Variants in BICC1 observed in about 807,000 individuals in gnomAD.
BICC1 encodes BicC family RNA binding protein 1, also known as protein bicaudal C homolog 1.
BICC1 carries 43 observed loss-of-function variants against 111.0 expected under a neutral mutation model. The ratio of observed to expected loss-of-function variants is 0.39; its 90% CI spans 0.30 to 0.50. The LOEUF (loss-of-function observed/expected upper bound fraction) is 0.50. Ranked by LOEUF, BICC1 falls within the 20% of genes least tolerant of loss-of-function variation. The probability of loss-of-function intolerance (pLI) is 0.88; values close to 1 mark genes in which losing one functional copy is unlikely to be tolerated. For missense variants in BICC1, 1,091 were observed against 1,203.2 expected (o/e 0.91, Z 1.38); for synonymous variants, 467 against 434.4 (o/e 1.07, Z -0.93).
At chr10:58,531,620 A>T (rs1842684661) in intron 1 of BICC1, among the ~76,000 whole-genome samples, 1 of 151,926 alleles carries the variant, frequency 6.6e-6, no homozygotes, top group Non-Finnish European at 1.5e-5. Flanking sequence ...CCTGACAAAT[A>T]GTTTAAAAGG....
intron 3 of BICC1, among the ~76,000 whole-genome samples, chr10:58,750,423 T>G (rs978590117): frequency 1.3e-5 from 2 of 152,216 alleles, no homozygotes; most frequent in African/African-American, 2.4e-5. Flanking sequence ...AATGCCACTG[T>G]TAAACTATGA....
chr10:58,576,080 G>A (rs540056880), intron 1 of BICC1, among the ~76,000 whole-genome samples: 111 of 152,184 alleles, frequency 7.3e-4, no homozygotes, highest in African/African-American at 5.5e-4. Flanking sequence ...TTGAAGAGCC[G>A]AGTGGATTTG....
intron 20 of BICC1, among the ~76,000 whole-genome samples, chr10:58,822,783 T>C (rs903632253): frequency 6.6e-6 from 1 of 152,116 alleles, no homozygotes; most frequent in Admixed American, 6.6e-5. Context: ...AGACATCCAT[T>C]TATAGTCCCA....
intron 3 of BICC1, among the ~76,000 whole-genome samples, chr10:58,737,907 T>C (rs1841525210): frequency 6.6e-6 from 1 of 152,252 alleles, no homozygotes; most frequent in African/African-American, 2.4e-5. Context: ...TGTCTGTTCA[T>C]ATCCTTCGCC....
At chr10:58,607,342 A>AAATAAATAAATAAATAAATAAATAAATG in intron 1 of BICC1, among the ~76,000 whole-genome samples, 1 of 149,646 alleles carries the variant, frequency 6.7e-6, no homozygotes, top group Non-Finnish European at 1.5e-5. Context: ...ATAAATAAAT[A>AAATAAATAAATAAATAAATAAATAAATG]AAACTGTCAT....
intron 1 of BICC1, among the ~76,000 whole-genome samples, chr10:58,556,616 A>G (rs1367553648): frequency 2.0e-5 from 3 of 152,076 alleles, no homozygotes; most frequent in Non-Finnish European, 4.4e-5. Flanking sequence ...CAGATTGCTC[A>G]TGAGTTTGTT....
intron 1 of BICC1, among the ~76,000 whole-genome samples, chr10:58,517,993 T>C (rs1394901308): frequency 2.9e-5 from 1 of 34,274 alleles, no homozygotes; most frequent in East Asian, 7.2e-4. Flanking sequence ...TATCTAAATA[T>C]TATTATTGGC....
chr10:58,745,993 G>A (rs1420126679), intron 3 of BICC1, among the ~76,000 whole-genome samples: 1 of 151,986 alleles, frequency 6.6e-6, no homozygotes, highest in East Asian at 1.9e-4. Flanking sequence ...ATTACCACAG[G>A]CAGATGAGAG....
chr10:58,656,130 T>C (rs1053707575), intron 2 of BICC1, among the ~76,000 whole-genome samples: 6 of 151,884 alleles, frequency 4.0e-5, no homozygotes, highest in Non-Finnish European at 8.8e-5. Context: ...ACACATACAC[T>C]CTCCCAAGAC....
At chr10:58,520,865 A>T (rs1325945591) in intron 1 of BICC1, among the ~76,000 whole-genome samples, 2 of 105,240 alleles carry the variant, frequency 1.9e-5, no homozygotes, top group South Asian at 3.0e-4. Flanking sequence ...TCTTTTGAAA[A>T]TATGCCCACA....
chr10:58,648,457 G>A (rs1177856140), intron 2 of BICC1: 18 of 948,868 alleles, frequency 1.9e-5, no homozygotes, highest in Non-Finnish European at 2.3e-5. Context: ...TATACACAGA[G>A]TTATGTTCTC....
rs71033694 is a variant in BICC1 at position 58,639,719 on chromosome 10, A to ATTTT, written c.237+18838_237+18841dup. On this transcript the variant is annotated intron_variant, in intron 2 of 20. Transcript: ENST00000373886. ...GGTATGAGCCACTGTGCCCGGCCAA[A>ATTTT]TTTTTTTTTTTTTTTTTTTTTTTGA... Among the ~76,000 whole-genome samples, 555 of 93,068 alleles carry ATTTT rather than the reference A, an allele frequency of 6.0e-3. 19 individuals carry two copies. The highest frequency in any genetic ancestry group is 8.5e-3 in the Non-Finnish European group (426 of 50,402). 61.1% of individuals were successfully genotyped at this position (93,068 alleles called of 152,430 possible). A position where few individuals can be genotyped will look rare whatever the true frequency, so the allele number is the denominator to read the frequency against.
intron 3 of BICC1, among the ~76,000 whole-genome samples, chr10:58,752,578 T>C (rs919720862): frequency 3.3e-5 from 5 of 152,156 alleles, no homozygotes; most frequent in Non-Finnish European, 7.4e-5. Context: ...GTCTTTCTTC[T>C]CATTTCTCTT....
At chr10:58,630,578 G>A (rs995343715) in intron 2 of BICC1, among the ~76,000 whole-genome samples, 23 of 152,030 alleles carry the variant, frequency 1.5e-4, no homozygotes, top group African/African-American at 4.6e-4. Flanking sequence ...ATTGACATGC[G>A]CCACCACGCC....
intron 3 of BICC1, among the ~76,000 whole-genome samples, chr10:58,711,653 C>G (rs1365599644): frequency 6.6e-6 from 1 of 152,164 alleles, no homozygotes; most frequent in Non-Finnish European, 1.5e-5. Flanking sequence ...CAGGTATTGG[C>G]TTGTTTGCTT....
At chr10:58,533,455 A>G (rs1842733310) in intron 1 of BICC1, among the ~76,000 whole-genome samples, 1 of 151,882 alleles carries the variant, frequency 6.6e-6, no homozygotes, top group Non-Finnish European at 1.5e-5. Flanking sequence ...TTTGGAGCTT[A>G]TGACAAGAAA....
intron 2 of BICC1, among the ~76,000 whole-genome samples, chr10:58,684,938 T>C (rs1839666500): frequency 6.6e-6 from 1 of 152,216 alleles, no homozygotes; most frequent in South Asian, 2.1e-4. Context: ...TTCTTGCTTC[T>C]CTAGTTCTTT....
rs879314826 is a variant in BICC1 at position 58,632,517 on chromosome 10, T to TC, written c.237+11616_237+11617insC. On this transcript the variant is annotated intron_variant, in intron 2 of 20. Coordinates refer to ENST00000373886, the MANE Select transcript of BICC1 (RefSeq NM_001080512.3). ...AACGGAGGGAGTGATTTTTTTTTTT[T>TC]TCCCCTATTCTGAGGACTCAGGGAA... Among the ~76,000 whole-genome samples the TC allele has an allele frequency of 1.5e-3, 230 of 152,118 alleles. 1 individual carries two copies. The highest frequency in any genetic ancestry group is 1.3e-3 in the Non-Finnish European group (85 of 67,958).
chr10:58,827,897 T>G lies in BICC1; in HGVS notation c.2795-864T>G, dbSNP rs73306961. Reference sequence around the variant, plus strand: ...CAGCAAGAGCAACCCCTTCTCCTCCTCCTTCTCAACCTACTCAACGTGAAG... The same window carrying G: ...CAGCAAGAGCAACCCCTTCTCCTCCGCCTTCTCAACCTACTCAACGTGAAG... On this transcript the variant is annotated intron_variant, in intron 20 of 20. Transcript: ENST00000373886. Among the ~76,000 whole-genome samples, 386 of 152,304 alleles carry G rather than the reference T, an allele frequency of 2.5e-3. 2 individuals are homozygous for G. Among genetic ancestry groups the G allele is most frequent in the African/African-American group, 8.9e-3 (369 of 41,568 alleles).
Sources: allele counts gnomAD v4.1 joint callset (sites outside exome capture counted in the v4.1 genomes callset), GRCh38; gene constraint gnomAD v4.1.1; transcripts MANE v1.5; gene names NCBI Gene and HGNC (gene_info 2026-07-23, HGNC 2026-07-21).